BAZ2B: variants seen among roughly 807,000 people sequenced by gnomAD.
BAZ2B encodes bromodomain adjacent to zinc finger domain protein 2B.
A neutral mutation model predicts 246.0 loss-of-function variants in BAZ2B; 91 were observed. That is an observed-to-expected ratio of 0.37 (90% CI 0.31 to 0.44). The LOEUF (loss-of-function observed/expected upper bound fraction) is 0.44. Among genes scored for constraint, BAZ2B ranks in the 20% least tolerant of loss-of-function variants. The pLI is 1.00. For missense variants in BAZ2B, 2,332 were observed against 2,533.7 expected (o/e 0.92, Z 1.71); for synonymous variants, 855 against 860.0 (o/e 0.99, Z 0.10).
At chr2:159,553,356 C>A in intron 2 of BAZ2B, among the ~76,000 whole-genome samples, 1 of 131,306 alleles carries the variant, frequency 7.6e-6, no homozygotes, top group East Asian at 2.2e-4. Flanking sequence ...GATTGCACCA[C>A]TGCACTCCAG....
chr2:159,676,975 T>C, the BAZ2B span, among the ~76,000 whole-genome samples: 174 of 142,320 alleles, frequency 1.2e-3, 1 homozygote, highest in Non-Finnish European at 2.3e-3. Context: ...TATATATATA[T>C]ATATATATAT....
At chr2:159,511,048 G>A (rs147467942) in intron 2 of BAZ2B, among the ~76,000 whole-genome samples, 69 of 152,126 alleles carry the variant, frequency 4.5e-4, no homozygotes, top group African/African-American at 1.6e-3. Flanking sequence ...TAGTAATAGC[G>A]CAGATTGTCA....
intron 3 of BAZ2B, chr2:159,464,853 T>C (rs562167848): frequency 6.6e-6 from 1 of 152,378 alleles, no homozygotes; most frequent in South Asian, 2.1e-4. Context: ...GCTGTACTTC[T>C]AGTAAGGAAA....
chr2:159,631,900 A>T, the BAZ2B span, among the ~76,000 whole-genome samples: 3 of 152,070 alleles, frequency 2.0e-5, no homozygotes, highest in Non-Finnish European at 2.9e-5. Flanking sequence ...ATATATATAT[A>T]TGTACATCTA....
chr2:159,640,276 G>C, the BAZ2B span, among the ~76,000 whole-genome samples: 64 of 152,158 alleles, frequency 4.2e-4, no homozygotes, highest in East Asian at 3.9e-4. Context: ...CCCACTTTCA[G>C]CATTGGACAG....
intron 16 of BAZ2B, among the ~76,000 whole-genome samples, chr2:159,401,222 C>T (rs1323926359): frequency 6.6e-6 from 1 of 152,186 alleles, no homozygotes; most frequent in East Asian, 1.9e-4. Flanking sequence ...GCTGATTAAA[C>T]TATATAGCCT....
At chr2:159,367,614 A>G (rs993604405) in intron 27 of BAZ2B, among the ~76,000 whole-genome samples, 1 of 152,154 alleles carries the variant, frequency 6.6e-6, no homozygotes, top group Non-Finnish European at 1.5e-5. Context: ...AGCTGGGCAC[A>G]GTGGCTCACA....
At chr2:159,320,591 A>G (rs2062601278) in intron 36 of BAZ2B, among the ~76,000 whole-genome samples, 173 bp from the exon 37 acceptor site, 1 of 152,216 alleles carries the variant, frequency 6.6e-6, no homozygotes, top group South Asian at 2.1e-4. Flanking sequence ...ACATTTTTGT[A>G]TGTTCTGGAA....
At chr2:159,501,697 G>C (rs932518671) in intron 2 of BAZ2B, among the ~76,000 whole-genome samples, 8 of 152,004 alleles carry the variant, frequency 5.3e-5, no homozygotes, top group African/African-American at 1.7e-4. Context: ...TACTTTAAAT[G>C]ATCATCTAAA....
At chr2:159,447,085 A>G in intron 5 of BAZ2B, 110 bp from the exon 6 acceptor site, 1 of 753,124 alleles carries the variant, frequency 1.3e-6, no homozygotes, top group Non-Finnish European at 2.0e-6. Flanking sequence ...GATAAGTGAA[A>G]GAAGACAGAA....
chr2:159,392,606 C>G (rs12995487), intron 20 of BAZ2B, among the ~76,000 whole-genome samples: 49,256 of 151,934 alleles, frequency 0.32, 9,988 homozygotes, highest in Non-Finnish European at 0.47. Flanking sequence ...TTCTCTTTGA[C>G]TCTTGAGCCT....
the BAZ2B span, among the ~76,000 whole-genome samples, chr2:159,657,337 T>C: frequency 3.3e-5 from 5 of 152,204 alleles, no homozygotes; most frequent in African/African-American, 1.2e-4. Flanking sequence ...CAATTTGTTC[T>C]TTTATCAGTA....
intron 3 of BAZ2B, among the ~76,000 whole-genome samples, chr2:159,476,436 C>T (rs1019452961): frequency 6.6e-5 from 10 of 151,982 alleles, no homozygotes; most frequent in East Asian, 3.9e-4. Context: ...ATTAAAAAAA[C>T]GCATCCCTTT....
rs56365046 is a variant in BAZ2B, at chr2:159,495,484, C to CAAAAA, written c.-2-16768_-2-16764dup. Among the ~76,000 whole-genome samples, 271 of 73,202 alleles carry CAAAAA rather than the reference C, an allele frequency of 3.7e-3. 2 individuals are homozygous for CAAAAA. Among genetic ancestry groups the CAAAAA allele is most frequent in the Non-Finnish European group, 4.1e-3 (177 of 43,660 alleles). 48.0% of individuals were successfully genotyped at this position (73,202 alleles called of 152,430 possible). On this transcript the variant is annotated intron_variant, in intron 2 of 36. Transcript: ENST00000392783. ...TGGGCGACAGAGCGAGACTCCGTCTCAAAAAAAAAAAAAAAAAAAAAAAAA... is the reference window on the plus strand; with the variant it reads ...TGGGCGACAGAGCGAGACTCCGTCTCAAAAAAAAAAAAAAAAAAAAAAAAAAAAAA...
chr2:159,346,943 T>C (rs1336565974), intron 31 of BAZ2B, among the ~76,000 whole-genome samples: 1 of 152,144 alleles, frequency 6.6e-6, no homozygotes, highest in East Asian at 1.9e-4. Context: ...TATATATATA[T>C]GTAGGGTATG....
intron 33 of BAZ2B, among the ~76,000 whole-genome samples, chr2:159,336,259 T>C (rs1477847900): frequency 6.6e-6 from 1 of 152,244 alleles, no homozygotes. Context: ...GGGACACTTG[T>C]ACATGATTTA....
At chr2:159,333,824 C>G (rs1413097025) in intron 33 of BAZ2B, among the ~76,000 whole-genome samples, 4 of 152,060 alleles carry the variant, frequency 2.6e-5, no homozygotes, top group Non-Finnish European at 4.4e-5. Flanking sequence ...AAACAGCAGA[C>G]ACACTATTCA....
Position 159,320,208 on chromosome 2 carries a change from T to C in BAZ2B, c.*57A>G. The C allele has an allele frequency of 7.1e-7, 1 of 1,407,340 alleles. No individual in the cohort carries two copies. Among genetic ancestry groups the C allele is most frequent in the Non-Finnish European group, 9.4e-7 (1 of 1,067,174 alleles). The allele number at this position is 1,407,340 out of a possible 1,614,324, so 87.2% of individuals were successfully genotyped here. On this transcript the variant is annotated 3_prime_UTR_variant, in exon 37 of 37. Transcript: ENST00000392783. The stretch of plus-strand genomic sequence containing the variant: ...CACGTTTATGTAAATACAGTTCACA[T>C]TGCTGGTCTCATTTGTCCTTGTTTA...
At chr2:159,524,582 C>A in intron 2 of BAZ2B, among the ~76,000 whole-genome samples, 1 of 152,128 alleles carries the variant, frequency 6.6e-6, no homozygotes, top group East Asian at 1.9e-4. Flanking sequence ...AGGGGACACT[C>A]TGACCTGAGA....
Sources: allele counts gnomAD v4.1 joint callset (sites outside exome capture counted in the v4.1 genomes callset), GRCh38; gene constraint gnomAD v4.1.1; transcripts MANE v1.5; gene names NCBI Gene and HGNC (gene_info 2026-07-23, HGNC 2026-07-21).